The following MYO18A variants were observed in gnomAD, a reference collection of about 807,000 sequenced individuals.
MYO18A encodes the protein myosin XVIIIA, also known as unconventional myosin-XVIIIa.
MYO18A carries 78 observed loss-of-function variants against 235.8 expected under a neutral mutation model. The ratio of observed to expected loss-of-function variants is 0.33; its 90% CI spans 0.28 to 0.40. The LOEUF is 0.40. MYO18A is among the 10% of genes least tolerant of loss of function. MYO18A has a pLI of 1.00. For missense variants in MYO18A, 2,215 were observed against 2,699.3 expected (o/e 0.82, Z 3.98); for synonymous variants, 977 against 1,077.8 (o/e 0.91, Z 1.83).
intron 1 of MYO18A, among the ~76,000 whole-genome samples, chr17:29,170,536 A>G (rs547265570): frequency 1.3e-5 from 2 of 152,000 alleles, no homozygotes; most frequent in Admixed American, 6.6e-5. Context: ...TGCAGTTTCC[A>G]TCTGCCTCCC....
At chr17:29,085,702 C>A (rs2066237635) in intron 39 of MYO18A, 54 bp from the exon 40 acceptor site, 1 of 1,588,950 alleles carries the variant, frequency 6.3e-7, no homozygotes, top group Non-Finnish European at 8.6e-7. Context: ...CAGATGAAAT[C>A]AATCGGCAAC....
intron 1 of MYO18A, among the ~76,000 whole-genome samples, chr17:29,175,817 T>C (rs7221008): frequency 0.075 from 11,397 of 152,126 alleles, 573 homozygotes; most frequent in South Asian, 0.16. Context: ...CCCAGCACTT[T>C]GGGAGGCCGA....
At chr17:29,080,053 C>A in intron 41 of MYO18A, 2 of 985,596 alleles carry the variant, frequency 2.0e-6, no homozygotes, top group Non-Finnish European at 2.4e-6. Context: ...GCTGCTCCTT[C>A]CGCTCCTTCG....
rs528796122 is a variant in MYO18A at position 29,126,348 on chromosome 17, C to T, written c.1000-4095G>A. 6.6e-5 allele frequency among the ~76,000 whole-genome samples: 10 copies of T among 151,758 alleles called. No individual in the cohort carries two copies. The highest frequency in any genetic ancestry group is 2.4e-4 in the African/African-American group (10 of 41,294). On this transcript the variant is annotated intron_variant, in intron 2 of 41. Coordinates refer to ENST00000527372, the MANE Select transcript of MYO18A (RefSeq NM_078471.4). The surrounding 1 kb of genome is among the most constrained non-coding windows in gnomAD (Gnocchi z 4.1). ...CGGGGAGGAGGGAGGGGAGGGCAGC[C>T]GCCCGGGAACAGGACCACGACACTC...
Position 29,110,461 on chromosome 17 carries a change from A to G in MYO18A, c.3062T>C (p.Leu1021Pro). 1 of 1,594,232 alleles carries G rather than the reference A, an allele frequency of 6.3e-7. No homozygotes were observed. The highest frequency in any genetic ancestry group is 8.5e-7 in the Non-Finnish European group (1 of 1,170,932). ...TGMAAVKKKS[L>P]CIQMKLQVDA... Reference sequence around the variant, plus strand: ...CACCTGTAGCTTCATCTGGATGCACAGTGACTTCTTTTTGACAGCCGCCAT... The same window carrying G: ...CACCTGTAGCTTCATCTGGATGCACGGTGACTTCTTTTTGACAGCCGCCAT... Residue 1021 changes from leucine to proline, a missense_variant, in exon 18 of 42, where the codon CTG (leucine) becomes CCG (proline). By Grantham distance (98) the Leu-to-Pro change is moderately conservative (BLOSUM62 -3). Coordinates refer to ENST00000527372, the MANE Select transcript of MYO18A (RefSeq NM_078471.4).
At position 29,085,515 on chromosome 17, in the gene MYO18A, C is replaced by T. The variant is rs2066231125; in HGVS notation, c.5897+89G>A. On this transcript the variant is annotated intron_variant, in intron 40 of 41. Transcript: ENST00000527372. Reference sequence around the variant, plus strand: ...GTGGGGAGGCTGTATCCACATGCTGCGTGCAGCGGCCCCAGGGTGGGAGCC... The same window carrying T: ...GTGGGGAGGCTGTATCCACATGCTGTGTGCAGCGGCCCCAGGGTGGGAGCC... 33 of 1,173,928 alleles carry T rather than the reference C, an allele frequency of 2.8e-5. 1 individual carries two copies. In the South Asian group the frequency reaches 2.9e-4, roughly 10 times the overall value. The allele number at this position is 1,173,928 out of a possible 1,614,324, so 72.7% of individuals were successfully genotyped here.
intron 30 of MYO18A, 100 bp downstream of exon 30, chr17:29,094,550 G>T: frequency 1.6e-6 from 2 of 1,214,272 alleles, no homozygotes; most frequent in Non-Finnish European, 2.4e-6. Flanking sequence ...ATACGCGAAT[G>T]AATGGAGGCA....
In MYO18A at chr17:29,094,726, C is replaced by T. The variant is rs764319543; in HGVS notation, c.4634G>A (p.Arg1545Gln). ...ATCCTTGACTTTGGCCTCCAGGTCC[C>T]GGAGCTGTTTCTTGACCTTGGCCAG... ...ASLAKVKKQL[R>Q]DLEAKVKDQE... Residue 1545 changes from arginine (R) to glutamine (Q), a missense_variant, in exon 30 of 42, where the codon CGG becomes CAG. Coordinates refer to ENST00000527372, the MANE Select transcript of MYO18A (RefSeq NM_078471.4). 5.0e-6 allele frequency: 8 copies of T among 1,614,012 alleles called. No individual in the cohort carries two copies. The East Asian group carries it at 6.7e-5, about 13-fold the overall frequency.
In MYO18A at chr17:29,084,784, A is replaced by G. The variant is rs117079735; in HGVS notation, c.5897+820T>C. Among the ~76,000 whole-genome samples the G allele has an allele frequency of 3.0e-4, 45 of 151,996 alleles. 3 individuals carry two copies. The East Asian group carries it at 8.7e-3, about 29-fold the overall frequency. ...ATCAGGCGAGAGAGAGTGGGGGAAG[A>G]AACCCAATGCCATGCTAAAAAAAAA... On this transcript the variant is annotated intron_variant, in intron 40 of 41. Transcript: ENST00000527372.
chr17:29,171,293 C>T (rs1338557627), intron 1 of MYO18A, among the ~76,000 whole-genome samples: 1 of 151,958 alleles, frequency 6.6e-6, no homozygotes, highest in African/African-American at 2.4e-5. Flanking sequence ...AAAAATTAGC[C>T]GGGCGTGGCA....
chr17:29,115,472 T>G, intron 12 of MYO18A, 31 bp from the exon 13 acceptor site: 1 of 1,605,098 alleles, frequency 6.2e-7, no homozygotes, highest in Non-Finnish European at 8.5e-7. Flanking sequence ...CGCTATCTCC[T>G]TCTCCCCAGG....
At chr17:29,136,250 A>AAAT (rs1483354837) in intron 2 of MYO18A, among the ~76,000 whole-genome samples, 103 of 82,454 alleles carry the variant, frequency 1.2e-3, no homozygotes, top group Middle Eastern at 8.1e-3. Context: ...AAAAAAAAAA[A>AAAT]ATATATATAT....
In MYO18A at chr17:29,146,198, C is replaced by T. The variant is rs188250016; in HGVS notation, c.999+19744G>A. ...ACTTGAACCCGGGAGGCAGAGGTTG[C>T]AGTGAGCTGAGATCACGCCACTGCA... On this transcript the variant is annotated intron_variant, in intron 2 of 41. Transcript: ENST00000527372. Among the ~76,000 whole-genome samples, 708 of 152,242 alleles carry T rather than the reference C, an allele frequency of 4.7e-3. 3 individuals carry two copies. The highest frequency in any genetic ancestry group is 0.017 in the South Asian group (84 of 4,824).
At chr17:29,113,918 C>A in intron 15 of MYO18A, 93 bp downstream of exon 15, 1 of 1,030,124 alleles carries the variant, frequency 9.7e-7, no homozygotes, top group Non-Finnish European at 1.5e-6. Flanking sequence ...AGTGGCACCC[C>A]CAGCAGCAGC....
intron 25 of MYO18A, 94 bp downstream of exon 25, chr17:29,098,010 AG>A: frequency 1.3e-6 from 2 of 1,578,160 alleles, no homozygotes; most frequent in South Asian, 2.3e-5. Context: ...ATGCTGGGCT[AG>A]GGGTGAAGAT....
Position 29,092,431 on chromosome 17 carries a change from G to T in MYO18A, c.5099C>A (p.Ala1700Glu). The T allele has an allele frequency of 6.2e-7, 1 of 1,611,860 alleles. No individual in the cohort carries two copies. Among genetic ancestry groups the T allele is most frequent in the Non-Finnish European group, 8.5e-7 (1 of 1,179,668 alleles). ...TGCTTTCCGTGCTTTCACGGCTGCCGCACAGGTGAACTCTGACTCCTCCAG... is the reference window on the plus strand; with the variant it reads ...TGCTTTCCGTGCTTTCACGGCTGCCTCACAGGTGAACTCTGACTCCTCCAG... ...NQLEESEFTC[A>E]AAVKARKAME... Residue 1700 changes from alanine to glutamate, a missense_variant, in exon 34 of 42, where the codon GCG (alanine) becomes GAG (glutamate). Ala to Glu is a moderately radical substitution (Grantham distance 107, BLOSUM62 -1). Transcript: ENST00000527372.
intron 2 of MYO18A, among the ~76,000 whole-genome samples, chr17:29,139,471 G>A (rs1431872906): frequency 6.6e-6 from 1 of 152,156 alleles, no homozygotes; most frequent in Non-Finnish European, 1.5e-5. Flanking sequence ...CCTGGTGCCA[G>A]TTTGGGGGCT....
chr17:29,094,871 C>T (rs780433819), intron 29 of MYO18A, 21 bp from the exon 30 acceptor site: 2 of 1,614,032 alleles, frequency 1.2e-6, no homozygotes, highest in Middle Eastern at 3.3e-4. Flanking sequence ...AGAGATGAGG[C>T]TGGTGCAGGG....
intron 2 of MYO18A, among the ~76,000 whole-genome samples, chr17:29,141,808 C>A: frequency 6.6e-6 from 1 of 152,244 alleles, no homozygotes; most frequent in East Asian, 1.9e-4. Context: ...CTACTTAGAA[C>A]AATGGTGCCA....
Sources: gnomAD v4.1 joint callset for allele counts (sites outside exome capture counted in the v4.1 genomes callset) on GRCh38, gnomAD v4.1.1 for gene constraint, Gnocchi (gnomAD v3.1) non-coding constraint, MANE v1.5 for transcripts, NCBI Gene and HGNC (gene_info 2026-07-23, HGNC 2026-07-21) for gene names.